Variants in ADGRL4 observed in about 807,000 individuals in gnomAD.
ADGRL4 encodes adhesion G protein-coupled receptor L4, also known as EGF, latrophilin and seven transmembrane domain containing 1.
A neutral mutation model predicts 74.8 loss-of-function variants in ADGRL4; 90 were observed. The observed-to-expected ratio is 1.20, with a 90% confidence interval of 1.02 to 1.43. ADGRL4 has a LOEUF of 1.43. ADGRL4 is among the 40% of genes most tolerant of loss of function. The pLI is 0.00. For synonymous variants in ADGRL4, 311 were observed against 279.2 expected, an observed-to-expected ratio of 1.11 and a Z score of -1.14; for missense variants, 881 against 814.3, an observed-to-expected ratio of 1.08 and a Z score of -1.00.
At chr1:78,934,515 ACCAAAAACAGTTG>A (rs1375288191) in intron 7 of ADGRL4, among the ~76,000 whole-genome samples, 1 of 152,182 alleles carries the variant, frequency 6.6e-6, no homozygotes, top group Non-Finnish European at 1.5e-5. Flanking sequence ...TGACAAAAAC[ACCAAAAACAGTTG>A]CTACAAAAGC....
chr1:78,951,701 T>A (rs1298106827), intron 2 of ADGRL4, among the ~76,000 whole-genome samples: 2 of 152,184 alleles, frequency 1.3e-5, no homozygotes, highest in Non-Finnish European at 2.9e-5. Flanking sequence ...TCATTTTACT[T>A]AAGAGGAAAC....
Position 78,979,817 on chromosome 1 carries a change from T to C in ADGRL4, c.172+25253A>G, listed in dbSNP as rs557714290. Among the ~76,000 whole-genome samples, 5 of 152,036 alleles carry C rather than the reference T, an allele frequency of 3.3e-5. No individual in the cohort carries two copies. The East Asian group carries it at 9.7e-4, about 30-fold the overall frequency. On this transcript the variant is annotated intron_variant, in intron 2 of 14. Transcript: ENST00000370742. ...CTTAGGAATAGAAAAGCAAATATCATGCTCTCACTTATAAATGAGAGATAA... is the reference window on the plus strand; with the variant it reads ...CTTAGGAATAGAAAAGCAAATATCACGCTCTCACTTATAAATGAGAGATAA...
intron 12 of ADGRL4, among the ~76,000 whole-genome samples, chr1:78,908,228 T>C (rs1648685924): frequency 6.6e-6 from 1 of 151,904 alleles, no homozygotes; most frequent in Admixed American, 6.6e-5. Context: ...GGGAAGGAAA[T>C]CATGTTACTT....
At chr1:78,935,821 A>G (rs1048441970) in intron 7 of ADGRL4, among the ~76,000 whole-genome samples, 5 of 152,132 alleles carry the variant, frequency 3.3e-5, no homozygotes, top group African/African-American at 1.2e-4. Context: ...GGAAATCTCA[A>G]GTAAGAATAT....
intron 7 of ADGRL4, among the ~76,000 whole-genome samples, chr1:78,929,205 A>T (rs1249133062): frequency 6.6e-6 from 1 of 151,386 alleles, no homozygotes; most frequent in East Asian, 1.9e-4. Flanking sequence ...AATTCAGTCT[A>T]TAAAAAAATA....
At chr1:78,971,332 G>C (rs1397332076) in intron 2 of ADGRL4, among the ~76,000 whole-genome samples, 1 of 152,054 alleles carries the variant, frequency 6.6e-6, no homozygotes, top group African/African-American at 2.4e-5. Flanking sequence ...TAACGTGCAG[G>C]TTTGTTACAT....
At chr1:78,893,310 T>C in intron 12 of ADGRL4, 121 bp from the exon 13 acceptor site, 1 of 669,626 alleles carries the variant, frequency 1.5e-6, no homozygotes, top group Non-Finnish European at 2.5e-6. Context: ...ATTTATATAG[T>C]TCTTTACAAT....
intron 2 of ADGRL4, among the ~76,000 whole-genome samples, chr1:79,001,651 C>G (rs569613523): frequency 6.6e-6 from 1 of 152,188 alleles, no homozygotes; most frequent in African/African-American, 2.4e-5. Context: ...CTTTGGTGAG[C>G]AGACTATTTA....
chr1:78,952,043 T>A lies in ADGRL4; in HGVS notation c.173-5617A>T, dbSNP rs555453372. Among the ~76,000 whole-genome samples, 9 of 152,022 alleles carry A rather than the reference T, an allele frequency of 5.9e-5. No individual in the cohort carries two copies. The South Asian group carries it at 1.9e-3, about 32-fold the overall frequency. ...ATCTCAACAAGATTTTAGTTTATAT[T>A]TCATTTTTTTAATCTATTGACCAAA... On this transcript the variant is annotated intron_variant, in intron 2 of 14. Coordinates refer to ENST00000370742, the MANE Select transcript of ADGRL4 (RefSeq NM_022159.4).
intron 3 of ADGRL4, 120 bp from the exon 4 acceptor site, chr1:78,939,378 C>T (rs985804752): frequency 7.6e-5 from 79 of 1,035,672 alleles, no homozygotes; most frequent in Non-Finnish European, 9.5e-5. Context: ...TTCTCTAACA[C>T]TTGAATTTCC....
intron 2 of ADGRL4, among the ~76,000 whole-genome samples, chr1:78,979,509 AAACAG>A (rs2100724724): frequency 6.6e-6 from 1 of 152,130 alleles, no homozygotes; most frequent in East Asian, 1.9e-4. Context: ...TTTAAGCTAA[AAACAG>A]AACTACCATT....
At chr1:78,940,275 A>G (rs1048995953) in intron 3 of ADGRL4, among the ~76,000 whole-genome samples, 6 of 152,200 alleles carry the variant, frequency 3.9e-5, no homozygotes, top group Non-Finnish European at 5.9e-5. Context: ...AAACTAAGAT[A>G]TAGCAGAACG....
chr1:78,941,017 T>C (rs916462455), intron 3 of ADGRL4, among the ~76,000 whole-genome samples: 2 of 152,166 alleles, frequency 1.3e-5, no homozygotes, highest in African/African-American at 2.4e-5. Flanking sequence ...GACAAGTATA[T>C]ATATTCAAAA....
chr1:78,891,327 C>T (rs1454442220), intron 14 of ADGRL4, 111 bp from the exon 15 acceptor site: 1 of 1,274,018 alleles, frequency 7.8e-7, no homozygotes, highest in Non-Finnish European at 1.1e-6. Context: ...TATTATAGCT[C>T]AGAATATGTC....
intron 12 of ADGRL4, among the ~76,000 whole-genome samples, chr1:78,907,723 T>A (rs1305284656): frequency 1.3e-5 from 2 of 151,688 alleles, no homozygotes; most frequent in East Asian, 3.9e-4. Flanking sequence ...ATAGGGAATG[T>A]TTTAGGGCAG....
At chr1:78,939,685 A>G (rs1282977711) in intron 3 of ADGRL4, 1 of 152,722 alleles carries the variant, frequency 6.5e-6, no homozygotes, top group African/African-American at 2.4e-5. Flanking sequence ...GTGAACTGTG[A>G]TTTTCCTGTG....
chr1:78,905,467 C>T (rs1045650453), intron 12 of ADGRL4, among the ~76,000 whole-genome samples: 1 of 151,982 alleles, frequency 6.6e-6, no homozygotes, highest in African/African-American at 2.4e-5. Flanking sequence ...GATTAGTAAA[C>T]ATTTTGTGTA....
chr1:78,981,862 CT>C (rs1371178583), intron 2 of ADGRL4, among the ~76,000 whole-genome samples: 2 of 151,460 alleles, frequency 1.3e-5, no homozygotes, highest in Non-Finnish European at 3.0e-5. Context: ...TCTTAATGTC[CT>C]TGACATAATT....
chr1:78,994,246 G>C (rs1470770265), intron 2 of ADGRL4, among the ~76,000 whole-genome samples: 1 of 152,142 alleles, frequency 6.6e-6, no homozygotes, highest in Non-Finnish European at 1.5e-5. Context: ...GGCTATGATG[G>C]ATGCTCTGTA....
Sources: gnomAD v4.1 joint callset for allele counts (sites outside exome capture counted in the v4.1 genomes callset) on GRCh38, gnomAD v4.1.1 for gene constraint, MANE v1.5 for transcripts, NCBI Gene and HGNC (gene_info 2026-07-23, HGNC 2026-07-21) for gene names.